MYRFL: variants seen among roughly 807,000 people sequenced by gnomAD.
The protein encoded by MYRFL is myelin regulatory factor like, also known as myelin regulatory factor-like protein.
In MYRFL, 88 loss-of-function variants were observed where a neutral mutation model predicts 109.4. That is an observed-to-expected ratio of 0.80 (90% CI 0.68 to 0.96). The LOEUF (loss-of-function observed/expected upper bound fraction) is 0.96. MYRFL is among the 40% of genes least tolerant of loss of function. MYRFL has a pLI of 0.00. For missense variants in MYRFL, 957 were observed against 954.9 expected, an observed-to-expected ratio of 1.00 and a Z score of -0.03; for synonymous variants, 324 against 320.9, an observed-to-expected ratio of 1.01 and a Z score of -0.10.
At position 69,895,470 on chromosome 12, in the gene MYRFL, T is replaced by G; in HGVS notation, c.1080T>G (p.Asn360Lys). 1 of 1,535,226 alleles carries G rather than the reference T, an allele frequency of 6.5e-7. No homozygotes were observed. Among genetic ancestry groups the G allele is most frequent in the African/African-American group, 1.4e-5 (1 of 73,044 alleles). Residue 360 changes from asparagine (N) to lysine (K), a missense_variant, in exon 9 of 25, where the codon AAT becomes AAG. Coordinates refer to ENST00000552032, the MANE Select transcript of MYRFL (RefSeq NM_182530.3). ...ATATGAGAAAAAAGGGAAAACCAAA[T>G]CCAGACCAGAGGTACTGATGTCACT... ...ANNMRKKGKP[N>K]PDQRYFMLVV...
intron 2 of MYRFL, among the ~76,000 whole-genome samples, chr12:69,860,706 T>G (rs961397245): frequency 6.6e-6 from 1 of 152,122 alleles, no homozygotes; most frequent in African/African-American, 2.4e-5. Flanking sequence ...ATTGATTGCC[T>G]TTTAAACTCT....
At chr12:69,892,146 CATCAAATT>C (rs577183412) in intron 7 of MYRFL, among the ~76,000 whole-genome samples, 16 of 151,904 alleles carry the variant, frequency 1.1e-4, no homozygotes, top group Admixed American at 1.0e-3. Context: ...TCATTATTTT[CATCAAATT>C]ATCAAAGAGA....
chr12:69,950,535 GTCC>G (rs1955948200), intron 19 of MYRFL, among the ~76,000 whole-genome samples: 2 of 152,138 alleles, frequency 1.3e-5, no homozygotes, highest in Non-Finnish European at 2.9e-5. Flanking sequence ...TAATGAGTAT[GTCC>G]CTACTCCTTT....
intron 13 of MYRFL, among the ~76,000 whole-genome samples, chr12:69,923,151 T>A (rs1433680016): frequency 1.3e-5 from 2 of 152,236 alleles, no homozygotes; most frequent in Non-Finnish European, 2.9e-5. Context: ...CCTTTAATGT[T>A]CTATCTTTGG....
Position 69,910,033 on chromosome 12 carries a change from C to T in MYRFL, c.1448C>T (p.Pro483Leu). ...AGAATTGTTGAATATGACTACAAAC[C>T]TGAATTTGCATCTGCAATGGGAATA... ...QMRIVEYDYKPEFASAMGINT... is the reference protein window; with the variant it reads ...QMRIVEYDYKLEFASAMGINT... The change falls in exon 12 of 25, where the codon CCT becomes CTT. Residue 483 changes from proline to leucine, a missense_variant. Coordinates refer to ENST00000552032, the MANE Select transcript of MYRFL (RefSeq NM_182530.3). The T allele has an allele frequency of 6.5e-7, 1 of 1,534,772 alleles. No individual in the cohort carries two copies. Among genetic ancestry groups the T allele is most frequent in the South Asian group, 1.2e-5 (1 of 83,768 alleles).
rs370779548 is a variant in MYRFL at position 69,825,889 on chromosome 12, A to G, written c.46+326A>G. ...CATGCCCTATGTTTAAAAAAACTACATAGCCATGCTCAAATTCCATGTGAA... is the reference window on the plus strand; with the variant it reads ...CATGCCCTATGTTTAAAAAAACTACGTAGCCATGCTCAAATTCCATGTGAA... On this transcript the variant is annotated intron_variant, in intron 1 of 24. Coordinates refer to ENST00000552032, the MANE Select transcript of MYRFL (RefSeq NM_182530.3). 2.8e-4 allele frequency among the ~76,000 whole-genome samples: 42 copies of G among 152,184 alleles called. No homozygotes were observed. In the East Asian group the frequency reaches 4.0e-3, roughly 15 times the overall value.
At chr12:69,918,525 C>T (rs1165082450) in intron 13 of MYRFL, among the ~76,000 whole-genome samples, 1 of 152,144 alleles carries the variant, frequency 6.6e-6, no homozygotes, top group Non-Finnish European at 1.5e-5. Context: ...GCAGGATACA[C>T]ACAGACTTAA....
intron 23 of MYRFL, 23 bp from the exon 24 acceptor site, chr12:69,958,226 A>C: frequency 6.6e-7 from 1 of 1,515,950 alleles, no homozygotes; most frequent in Non-Finnish European, 8.8e-7. Flanking sequence ...TACGAAATGG[A>C]TCCTCTTTTA....
At chr12:69,947,693 T>C (rs1955874961) in intron 19 of MYRFL, among the ~76,000 whole-genome samples, 1 of 152,144 alleles carries the variant, frequency 6.6e-6, no homozygotes, top group Non-Finnish European at 1.5e-5. Flanking sequence ...TTCATGCTCA[T>C]TTTGTTTTGG....
At chr12:69,896,452 CT>C (rs1953998634) in intron 9 of MYRFL, among the ~76,000 whole-genome samples, 1 of 152,166 alleles carries the variant, frequency 6.6e-6, no homozygotes, top group Non-Finnish European at 1.5e-5. Flanking sequence ...TGGGCAAAAG[CT>C]TCTTTGATGA....
intron 5 of MYRFL, among the ~76,000 whole-genome samples, chr12:69,882,522 A>G (rs1419281960): frequency 1.3e-5 from 2 of 152,180 alleles, no homozygotes; most frequent in African/African-American, 4.8e-5. Context: ...AGGATCACCA[A>G]TTTTTGATCA....
chr12:69,912,749 T>C (rs1448602889), intron 13 of MYRFL, among the ~76,000 whole-genome samples: 1 of 152,248 alleles, frequency 6.6e-6, no homozygotes, highest in African/African-American at 2.4e-5. Flanking sequence ...TTGTGAATAA[T>C]ACTGCTATGA....
chr12:69,826,162 T>C (rs1882263857), intron 1 of MYRFL, among the ~76,000 whole-genome samples: 1 of 152,044 alleles, frequency 6.6e-6, no homozygotes, highest in Non-Finnish European at 1.5e-5. Flanking sequence ...ACCAAAGAAA[T>C]AGTGAGATTC....
intron 2 of MYRFL, among the ~76,000 whole-genome samples, chr12:69,867,795 G>A (rs916728351): frequency 6.6e-6 from 1 of 152,168 alleles, no homozygotes; most frequent in Non-Finnish European, 1.5e-5. Flanking sequence ...TCTGTGAGAA[G>A]AGCTTGTTAA....
chr12:69,888,120 AGTTT>A (rs1289570086), intron 6 of MYRFL, among the ~76,000 whole-genome samples: 1 of 152,218 alleles, frequency 6.6e-6, no homozygotes, highest in East Asian at 1.9e-4. Flanking sequence ...AACATTTTTA[AGTTT>A]GTTTGAACAG....
chr12:69,919,780 A>G (rs1232094998), intron 13 of MYRFL, among the ~76,000 whole-genome samples: 1 of 152,180 alleles, frequency 6.6e-6, no homozygotes, highest in African/African-American at 2.4e-5. Flanking sequence ...AAGCTGTTTT[A>G]TTCCCATGGT....
intron 1 of MYRFL, among the ~76,000 whole-genome samples, chr12:69,831,118 G>A (rs1355823128): frequency 1.3e-5 from 2 of 151,924 alleles, no homozygotes; most frequent in East Asian, 1.9e-4. Context: ...AACAAAAATG[G>A]GATTATATAA....
At chr12:69,827,653 C>T (rs1016162070) in intron 1 of MYRFL, among the ~76,000 whole-genome samples, 3 of 152,008 alleles carry the variant, frequency 2.0e-5, no homozygotes, top group African/African-American at 7.2e-5. Flanking sequence ...AAATTGGTTA[C>T]AACCTAAATT....
intron 19 of MYRFL, among the ~76,000 whole-genome samples, chr12:69,944,127 G>A (rs1053238826): frequency 2.0e-5 from 3 of 150,186 alleles, no homozygotes; most frequent in South Asian, 2.1e-4. Context: ...TCAGTGAGGC[G>A]ATTCCTCAGG....
Sources: allele counts gnomAD v4.1 joint callset (sites outside exome capture counted in the v4.1 genomes callset), GRCh38; gene constraint gnomAD v4.1.1; transcripts MANE v1.5; gene names NCBI Gene and HGNC (gene_info 2026-07-23, HGNC 2026-07-21).